Variants in PPP1R37 observed in about 807,000 individuals in gnomAD.
PPP1R37 encodes the protein protein phosphatase 1 regulatory subunit 37, also known as leucine rich repeat containing 68.
A neutral mutation model predicts 61.0 loss-of-function variants in PPP1R37; 21 were observed. That is an observed-to-expected ratio of 0.34 (90% CI 0.24 to 0.50). PPP1R37 has a LOEUF of 0.50. PPP1R37 is among the 20% of genes least tolerant of loss of function. PPP1R37 has a pLI of 0.98. For synonymous variants in PPP1R37, 443 were observed against 433.5 expected (o/e 1.02, Z -0.27); for missense variants, 910 against 952.7 (o/e 0.96, Z 0.59).
At chr19:45,132,861 C>T (rs1968495341) in intron 1 of PPP1R37, among the ~76,000 whole-genome samples, 1 of 151,814 alleles carries the variant, frequency 6.6e-6, no homozygotes, top group Non-Finnish European at 1.5e-5. Context: ...GAGCCACTAC[C>T]CCTGGACCAA....
chr19:45,135,556 G>C (rs952159698), intron 1 of PPP1R37, among the ~76,000 whole-genome samples: 6 of 152,238 alleles, frequency 3.9e-5, no homozygotes, highest in Non-Finnish European at 8.8e-5. Context: ...GTGGAGAGTT[G>C]AGAGTGGCTC....
At chr19:45,140,635 C>G (rs1968598893) in intron 4 of PPP1R37, 29 bp downstream of exon 4, 1 of 1,486,778 alleles carries the variant, frequency 6.7e-7, no homozygotes, top group Non-Finnish European at 9.1e-7. Flanking sequence ...GCCCACTTGG[C>G]TCCCTGAGCT....
chr19:45,113,095 G>C (rs960010809), intron 1 of PPP1R37, among the ~76,000 whole-genome samples: 1 of 152,208 alleles, frequency 6.6e-6, no homozygotes, highest in Non-Finnish European at 1.5e-5. Flanking sequence ...CTTCCATAGT[G>C]TGCAGGGCTG....
chr19:45,106,333 C>T (rs1439603015), intron 1 of PPP1R37, among the ~76,000 whole-genome samples: 1 of 152,104 alleles, frequency 6.6e-6, no homozygotes, highest in Admixed American at 6.5e-5. Context: ...CCTTTGCCTC[C>T]CAAGTTTAAG....
At chr19:45,139,719 C>T (rs547962071) in intron 2 of PPP1R37, among the ~76,000 whole-genome samples, 16 of 152,360 alleles carry the variant, frequency 1.1e-4, no homozygotes, top group African/African-American at 2.2e-4. Flanking sequence ...TGGACCCCAT[C>T]GGCCTGGTTC....
intron 1 of PPP1R37, among the ~76,000 whole-genome samples, chr19:45,133,806 G>C (rs1361161198): frequency 6.6e-6 from 1 of 152,190 alleles, no homozygotes; most frequent in East Asian, 1.9e-4. Context: ...TCCATCATGG[G>C]GTCATGTGGG....
intron 1 of PPP1R37, among the ~76,000 whole-genome samples, chr19:45,116,753 G>A (rs910538623): frequency 2.0e-5 from 3 of 152,148 alleles, no homozygotes; most frequent in Non-Finnish European, 4.4e-5. Flanking sequence ...CCTAGACTCA[G>A]GGAGCCCTTG....
rs1025051319 is a variant in PPP1R37 at position 45,144,844 on chromosome 19, C to T, written c.988-10C>T. The T allele has an allele frequency of 1.2e-5, 18 of 1,525,288 alleles. No homozygotes were observed. The African/African-American group carries it at 1.9e-4, about 16-fold the overall frequency. 94.5% of individuals were successfully genotyped at this position (1,525,288 alleles called of 1,614,324 possible). On this transcript the variant is annotated splice_polypyrimidine_tract_variant and intron_variant, in intron 8 of 12. Transcript: ENST00000221462. ...GGCCTCCTCCTCACCCTCACACCCCCTCCCTCCAGCCGCACACTCAGAGCC... is the reference window on the plus strand; with the variant it reads ...GGCCTCCTCCTCACCCTCACACCCCTTCCCTCCAGCCGCACACTCAGAGCC...
intron 4 of PPP1R37, 91 bp downstream of exon 4, chr19:45,140,697 G>A: frequency 1.0e-6 from 1 of 984,030 alleles, no homozygotes; most frequent in Non-Finnish European, 1.5e-6. Flanking sequence ...GGAGGAGGGG[G>A]TCCCCTAGAC....
intron 1 of PPP1R37, among the ~76,000 whole-genome samples, chr19:45,100,704 G>A (rs7255018): frequency 6.6e-6 from 1 of 152,156 alleles, no homozygotes; most frequent in African/African-American, 2.4e-5. Flanking sequence ...ACCCAGAATC[G>A]TTTATAAAAT....
chr19:45,099,377 G>A (rs919556371), intron 1 of PPP1R37, among the ~76,000 whole-genome samples: 6 of 152,336 alleles, frequency 3.9e-5, no homozygotes, highest in African/African-American at 1.2e-4. Context: ...AGGCAGCAGG[G>A]GTACCAAGAT....
In PPP1R37 at chr19:45,145,557, C is replaced by T; in HGVS notation, c.1501C>T (p.Pro501Ser). ...GVQNGAPSPA[P>S]SPDSDSDSDS... ...GCAGAACGGGGCCCCCAGCCCCGCA[C>T]CCAGCCCGGACTCAGACTCAGACTC... Residue 501 changes from proline (P) to serine (S), a missense_variant, in exon 11 of 13, where the codon CCC (proline) becomes TCC (serine). By Grantham distance (74) the Pro-to-Ser change is moderately conservative (BLOSUM62 -1). Coordinates refer to ENST00000221462, the MANE Select transcript of PPP1R37 (RefSeq NM_019121.2). 2.6e-6 allele frequency: 4 copies of T among 1,535,240 alleles called. No homozygotes were observed. Among genetic ancestry groups the T allele is most frequent in the African/African-American group, 1.4e-5 (1 of 73,072 alleles).
At chr19:45,107,698 C>T (rs925824206) in intron 1 of PPP1R37, among the ~76,000 whole-genome samples, 2 of 152,202 alleles carry the variant, frequency 1.3e-5, no homozygotes, top group Non-Finnish European at 2.9e-5. Context: ...CTCAGCTGAG[C>T]GATTTGCACC....
chr19:45,138,905 C>CTTTTTTTTTTTTTTTTTTTT (rs34081163), intron 2 of PPP1R37, among the ~76,000 whole-genome samples: 5 of 73,058 alleles, frequency 6.8e-5, no homozygotes, highest in African/African-American at 1.6e-4. Context: ...TTTATGTATT[C>CTTTTTTTTTTTTTTTTTTTT]TTTTTTTTTT....
At chr19:45,140,822 A>G (rs1254732736) in intron 4 of PPP1R37, among the ~76,000 whole-genome samples, 1 of 152,144 alleles carries the variant, frequency 6.6e-6, no homozygotes, top group Non-Finnish European at 1.5e-5. Flanking sequence ...CACCCTCATA[A>G]GCAAGGAGAG....
intron 1 of PPP1R37, among the ~76,000 whole-genome samples, chr19:45,112,122 C>T (rs1968209182): frequency 1.3e-5 from 2 of 152,092 alleles, no homozygotes; most frequent in South Asian, 4.1e-4. Flanking sequence ...CAGGCTCCTG[C>T]CACCACACCT....
In PPP1R37 at chr19:45,137,133, G is replaced by A. The variant is rs16979692; in HGVS notation, c.203-1381G>A. 4.0e-3 allele frequency among the ~76,000 whole-genome samples: 611 copies of A among 151,268 alleles called. 2 individuals carry two copies. Among genetic ancestry groups the A allele is most frequent in the African/African-American group, 0.014 (591 of 41,152 alleles). On this transcript the variant is annotated intron_variant, in intron 1 of 12. Coordinates refer to ENST00000221462, the MANE Select transcript of PPP1R37 (RefSeq NM_019121.2). The stretch of plus-strand genomic sequence containing the variant: ...CTCCATGCCCAATATCTGCTGGCCC[G>A]AAGATCTTTCTAACGGCCAGTCCTG...
Position 45,144,883 on chromosome 19 carries a change from C to T in PPP1R37, c.1017C>T (p.Asn339=). 2.0e-6 allele frequency: 3 copies of T among 1,535,376 alleles called. No homozygotes were observed. Among genetic ancestry groups the T allele is most frequent in the East Asian group, 2.4e-5 (1 of 40,884 alleles). Reference sequence around the variant, plus strand: ...ACACTCAGAGCCTGGAGACGCTGAACCTGGGCCACAACCCCATCGGGAACG... The same window carrying T: ...ACACTCAGAGCCTGGAGACGCTGAATCTGGGCCACAACCCCATCGGGAACG... ...LPHTQSLETL[N]LGHNPIGNEG... The change falls in exon 9 of 13, where the codon AAC becomes AAT. Residue 339 remains asparagine (N), a synonymous_variant. Transcript: ENST00000221462.
intron 1 of PPP1R37, among the ~76,000 whole-genome samples, chr19:45,123,497 G>A (rs1001008790): frequency 2.0e-5 from 3 of 152,196 alleles, no homozygotes; most frequent in South Asian, 2.1e-4. Flanking sequence ...CTGTCTGTCC[G>A]GTTTGAAGCC....
Sources: gnomAD v4.1 joint callset for allele counts (sites outside exome capture counted in the v4.1 genomes callset) on GRCh38, gnomAD v4.1.1 for gene constraint, MANE v1.5 for transcripts, NCBI Gene and HGNC (gene_info 2026-07-23, HGNC 2026-07-21) for gene names.